The following TCP11L1 variants were observed in gnomAD, a reference collection of about 807,000 sequenced individuals.
TCP11L1 encodes T-complex protein 11-like protein 1.
Under a neutral mutation model 48.9 loss-of-function variants are expected in TCP11L1, and 28 were observed. The ratio of observed to expected loss-of-function variants is 0.57; its 90% CI spans 0.42 to 0.78. The LOEUF (loss-of-function observed/expected upper bound fraction) is 0.78. TCP11L1 is among the 30% of genes least tolerant of loss of function. The probability of loss-of-function intolerance (pLI) is 0.00; values close to 1 mark genes in which losing one functional copy is unlikely to be tolerated. For synonymous variants in TCP11L1, 204 were observed against 231.9 expected (o/e 0.88, Z 1.09); for missense variants, 505 against 613.4 (o/e 0.82, Z 1.87).
chr11:33,067,988 G>T (rs778086922), intron 8 of TCP11L1, among the ~76,000 whole-genome samples: 1 of 151,786 alleles, frequency 6.6e-6, no homozygotes, highest in Admixed American at 6.6e-5. Context: ...GTGCAATGAC[G>T]TGATCTCGGC....
chr11:33,057,065 C>T (rs1854329950), intron 3 of TCP11L1, 50 bp from the exon 4 acceptor site: 9 of 1,611,000 alleles, frequency 5.6e-6, no homozygotes, highest in Non-Finnish European at 5.9e-6. Context: ...TGATTTGAAA[C>T]TCAAATATTT....
intron 3 of TCP11L1, among the ~76,000 whole-genome samples, chr11:33,056,247 C>A (rs1420315981): frequency 3.3e-5 from 5 of 151,676 alleles, no homozygotes; most frequent in African/African-American, 1.2e-4. Flanking sequence ...GTAGCTGGGA[C>A]TATAAAGCAT....
In TCP11L1 at chr11:33,043,915, C is replaced by T. The variant is rs1454753232; in HGVS notation, c.142C>T (p.Gln48Ter). The T allele has an allele frequency of 6.2e-7, 1 of 1,611,256 alleles. No individual in the cohort carries two copies. Among genetic ancestry groups the T allele is most frequent in the Admixed American group, 1.7e-5 (1 of 59,234 alleles). ...KAIKSDSSSP[Q>*]RVQRPHSSPP... is the part of the protein sequence containing the mutation. ...AATAAAGTCAGACTCCTCCAGCCCC[C>T]AAAGAGTGCAGAGACCTCACTGTAA... Residue 48 changes from glutamine to a stop codon, truncating the protein, a stop_gained, in exon 2 of 10, where the codon CAA becomes TAA. Coordinates refer to ENST00000334274, the MANE Select transcript of TCP11L1 (RefSeq NM_018393.4). LOFTEE classifies it high-confidence loss of function.
chr11:33,047,230 G>A (rs1044537312), intron 2 of TCP11L1, among the ~76,000 whole-genome samples: 72 of 142,870 alleles, frequency 5.0e-4, no homozygotes, highest in Non-Finnish European at 4.6e-4. Context: ...AAAAAAAAAA[G>A]AGTAGAATTC....
intron 2 of TCP11L1, among the ~76,000 whole-genome samples, chr11:33,053,091 A>G (rs113510515): frequency 1.3e-5 from 2 of 149,792 alleles, no homozygotes; most frequent in African/African-American, 4.9e-5. Context: ...TGTTTTCACA[A>G]GTCCTCCCTC....
At chr11:33,056,929 G>A (rs1039115369) in intron 3 of TCP11L1, among the ~76,000 whole-genome samples, 186 bp from the exon 4 acceptor site, 1 of 152,092 alleles carries the variant, frequency 6.6e-6, no homozygotes, top group Non-Finnish European at 1.5e-5. Flanking sequence ...GATGCTTATT[G>A]CAAAAAATCA....
intron 2 of TCP11L1, among the ~76,000 whole-genome samples, chr11:33,049,323 G>T (rs1854089438): frequency 6.6e-6 from 1 of 152,030 alleles, no homozygotes; most frequent in Non-Finnish European, 1.5e-5. Context: ...ATTTCAGATG[G>T]TAAGACATTG....
intron 2 of TCP11L1, among the ~76,000 whole-genome samples, chr11:33,047,453 C>T (rs531702369): frequency 4.6e-5 from 7 of 152,180 alleles, no homozygotes; most frequent in African/African-American, 7.2e-5. Flanking sequence ...TCTGTTCTAA[C>T]GTTTAATCAC....
chr11:33,049,021 G>A (rs1401637147), intron 2 of TCP11L1, among the ~76,000 whole-genome samples: 1 of 152,160 alleles, frequency 6.6e-6, no homozygotes, highest in African/African-American at 2.4e-5. Context: ...GGAGGCCAAG[G>A]CAGGTGGATC....
intron 9 of TCP11L1, 87 bp downstream of exon 9, chr11:33,068,946 G>T: frequency 6.7e-7 from 1 of 1,499,732 alleles, no homozygotes; most frequent in Non-Finnish European, 9.0e-7. Context: ...GGGCTCAGCT[G>T]GAGTTAAGGT....
chr11:33,039,937 G>A (rs1853778479), intron 1 of TCP11L1, 145 bp downstream of exon 1: 1 of 152,436 alleles, frequency 6.6e-6, no homozygotes, highest in Non-Finnish European at 1.5e-5. Context: ...TCCGCGGGCG[G>A]GTGGAGCTCA....
chr11:33,070,115 A>G (rs907571374), intron 9 of TCP11L1, among the ~76,000 whole-genome samples: 1 of 151,892 alleles, frequency 6.6e-6, no homozygotes, highest in African/African-American at 2.4e-5. Context: ...ATCTCTACAA[A>G]AAATTAAAAA....
chr11:33,056,671 T>C (rs1371862099), intron 3 of TCP11L1: 2 of 254,578 alleles, frequency 7.9e-6, no homozygotes, highest in Non-Finnish European at 1.6e-5. Flanking sequence ...CTCGAACTCC[T>C]CACCTCAGGT....
At chr11:33,065,726 C>A in intron 7 of TCP11L1, 104 bp from the exon 8 acceptor site, 1 of 1,312,496 alleles carries the variant, frequency 7.6e-7, no homozygotes, top group Non-Finnish European at 1.1e-6. Context: ...TAGCGCAAAC[C>A]CTGAGGGAAG....
At chr11:33,058,243 G>A (rs1390239534) in intron 5 of TCP11L1, 104 bp downstream of exon 5, 4 of 1,111,794 alleles carry the variant, frequency 3.6e-6, no homozygotes, top group African/African-American at 1.6e-5. Context: ...CTGTTGCAAA[G>A]GCTGGAGTGC....
chr11:33,071,343 C>T (rs1278672412), intron 9 of TCP11L1, among the ~76,000 whole-genome samples: 1 of 152,002 alleles, frequency 6.6e-6, no homozygotes, highest in East Asian at 1.9e-4. Context: ...GGTGTTAGGC[C>T]CTGTCCTGTC....
intron 9 of TCP11L1, among the ~76,000 whole-genome samples, chr11:33,070,632 C>G (rs1242570273): frequency 1.3e-5 from 2 of 150,066 alleles, no homozygotes; most frequent in Non-Finnish European, 3.0e-5. Flanking sequence ...TTGTGGTGAG[C>G]CGAGATTGTG....
chr11:33,046,844 A>G (rs1328469853), intron 2 of TCP11L1, among the ~76,000 whole-genome samples: 1 of 152,240 alleles, frequency 6.6e-6, no homozygotes, highest in Non-Finnish European at 1.5e-5. Flanking sequence ...CTAAAATCAT[A>G]TTTGGAATTC....
At chr11:33,056,859 A>G (rs1331671172) in intron 3 of TCP11L1, 20 of 481,532 alleles carry the variant, frequency 4.2e-5, no homozygotes, top group East Asian at 1.5e-4. Context: ...GCACTGTCAT[A>G]TGCTGTTTCT....
Sources: allele counts gnomAD v4.1 joint callset (sites outside exome capture counted in the v4.1 genomes callset), GRCh38; gene constraint gnomAD v4.1.1; transcripts MANE v1.5; gene names NCBI Gene and HGNC (gene_info 2026-07-23, HGNC 2026-07-21).